Variants in KITLG observed in about 807,000 individuals in gnomAD.
KITLG encodes KIT ligand, also known as c-Kit ligand.
In KITLG, 13 loss-of-function variants were observed where a neutral mutation model predicts 34.1. That is an observed-to-expected ratio of 0.38 (90% confidence interval 0.25 to 0.61). KITLG has a LOEUF of 0.61. KITLG is among the 20% of genes least tolerant of loss of function. KITLG has a pLI of 0.60. For missense variants in KITLG, 292 were observed against 318.9 expected (o/e 0.92, Z 0.64); for synonymous variants, 110 against 104.0 (o/e 1.06, Z -0.35).
chr12:88,576,998 GTTATTTTCC>G (rs2120996463), intron 1 of KITLG, among the ~76,000 whole-genome samples: 1 of 152,128 alleles, frequency 6.6e-6, no homozygotes, highest in Admixed American at 6.6e-5. Context: ...TTTCCATATG[GTTATTTTCC>G]TTGTTTTATG....
intron 1 of KITLG, among the ~76,000 whole-genome samples, chr12:88,563,286 T>A (rs750477627): frequency 6.6e-6 from 1 of 152,190 alleles, no homozygotes; most frequent in African/African-American, 2.4e-5. Flanking sequence ...ATTGGTTGAC[T>A]CTTATCTATC....
At chr12:88,572,002 C>A (rs373533706) in intron 1 of KITLG, among the ~76,000 whole-genome samples, 1 of 152,094 alleles carries the variant, frequency 6.6e-6, no homozygotes, top group Non-Finnish European at 1.5e-5. Context: ...AATCTTGGAA[C>A]TGTTTTCTAC....
intron 1 of KITLG, among the ~76,000 whole-genome samples, chr12:88,568,355 T>C (rs1219156657): frequency 1.3e-5 from 2 of 151,984 alleles, no homozygotes; most frequent in Non-Finnish European, 2.9e-5. Flanking sequence ...AGACAAGGTC[T>C]CACTATGTTG....
chr12:88,548,221 C>T (rs969150621), intron 1 of KITLG, among the ~76,000 whole-genome samples: 1 of 151,948 alleles, frequency 6.6e-6, no homozygotes, highest in African/African-American at 2.4e-5. Flanking sequence ...TTTAGGAGGC[C>T]GAGGTGGGCG....
chr12:88,511,105 GA>G (rs945348599), intron 6 of KITLG, among the ~76,000 whole-genome samples: 3 of 152,276 alleles, frequency 2.0e-5, no homozygotes, highest in African/African-American at 7.2e-5. Context: ...GAACAAAAAA[GA>G]AGGCTGTCCA....
chr12:88,514,729 T>C (rs1367601089), intron 6 of KITLG, among the ~76,000 whole-genome samples: 3 of 151,686 alleles, frequency 2.0e-5, no homozygotes, highest in Non-Finnish European at 3.0e-5. Context: ...TTCTGCATTG[T>C]AACAAGCTAT....
At chr12:88,520,041 C>A (rs1869600614) in intron 3 of KITLG, among the ~76,000 whole-genome samples, 1 of 152,156 alleles carries the variant, frequency 6.6e-6, no homozygotes, top group African/African-American at 2.4e-5. Context: ...GATAGGTAAG[C>A]CCCAATTCCT....
chr12:88,523,581 G>T (rs140612141), intron 3 of KITLG, among the ~76,000 whole-genome samples: 2 of 152,142 alleles, frequency 1.3e-5, no homozygotes, highest in African/African-American at 4.8e-5. Flanking sequence ...ATTTCTCTGA[G>T]GAATTGTGAC....
At chr12:88,519,074 C>T (rs1869564227) in intron 3 of KITLG, among the ~76,000 whole-genome samples, 1 of 152,070 alleles carries the variant, frequency 6.6e-6, no homozygotes, top group Non-Finnish European at 1.5e-5. Context: ...GTTGGCCAGG[C>T]TGTCTCAAAC....
intron 3 of KITLG, among the ~76,000 whole-genome samples, chr12:88,525,948 G>T (rs755772674): frequency 6.6e-6 from 1 of 152,210 alleles, no homozygotes; most frequent in Non-Finnish European, 1.5e-5. Context: ...ACTAAGATGG[G>T]TTAAGCCCCA....
At chr12:88,507,241 T>C (rs1869100602) in intron 6 of KITLG, 104 bp from the exon 7 acceptor site, 2 of 739,020 alleles carry the variant, frequency 2.7e-6, no homozygotes, top group East Asian at 5.3e-5. Flanking sequence ...ATTCTGGACC[T>C]ATATCTGTTT....
chr12:88,517,100 T>C (rs1323276835), intron 4 of KITLG, among the ~76,000 whole-genome samples: 1 of 151,968 alleles, frequency 6.6e-6, no homozygotes. Context: ...GCAATATCTG[T>C]ATCACTTATG....
chr12:88,572,378 T>A (rs1404474015), intron 1 of KITLG, among the ~76,000 whole-genome samples: 1 of 151,668 alleles, frequency 6.6e-6, no homozygotes, highest in Non-Finnish European at 1.5e-5. Context: ...ATGAAATAAA[T>A]CAAGCAAGCC....
intron 6 of KITLG, among the ~76,000 whole-genome samples, chr12:88,507,652 A>AT (rs1434960289): frequency 6.6e-6 from 1 of 152,152 alleles, no homozygotes; most frequent in Non-Finnish European, 1.5e-5. Context: ...GCTTAGAATC[A>AT]TGGCTGTTTC....
At chr12:88,535,155 G>A (rs1161961575) in intron 2 of KITLG, among the ~76,000 whole-genome samples, 1 of 152,110 alleles carries the variant, frequency 6.6e-6, no homozygotes, top group Non-Finnish European at 1.5e-5. Context: ...TAAAGAGTAT[G>A]GTGACCAATT....
intron 1 of KITLG, among the ~76,000 whole-genome samples, chr12:88,578,942 G>T (rs1871919001): frequency 6.6e-6 from 1 of 152,144 alleles, no homozygotes; most frequent in Admixed American, 6.5e-5. Context: ...GTGATTCCAG[G>T]TGCGGTGCTC....
intron 5 of KITLG, 95 bp downstream of exon 5, chr12:88,516,238 TC>T: frequency 9.8e-7 from 1 of 1,020,048 alleles, no homozygotes; most frequent in Non-Finnish European, 1.5e-6. Context: ...CATGCATGTA[TC>T]TTGCTACAGC....
intron 3 of KITLG, among the ~76,000 whole-genome samples, chr12:88,526,032 C>T (rs143179795): frequency 1.3e-3 from 200 of 152,140 alleles, no homozygotes; most frequent in Non-Finnish European, 2.4e-3. Flanking sequence ...TGAGAACAGG[C>T]GCATTATTTT....
chr12:88,579,064 T>C (rs781240493), intron 1 of KITLG, among the ~76,000 whole-genome samples: 3 of 152,214 alleles, frequency 2.0e-5, no homozygotes, highest in Non-Finnish European at 4.4e-5. Context: ...CCAGGCAATG[T>C]CCCTTTCCCC....
Sources: gnomAD v4.1 joint callset for allele counts (sites outside exome capture counted in the v4.1 genomes callset) on GRCh38, gnomAD v4.1.1 for gene constraint, MANE v1.5 for transcripts, NCBI Gene and HGNC (gene_info 2026-07-23, HGNC 2026-07-21) for gene names.